The following APBA2 variants were observed in gnomAD, a reference collection of about 807,000 sequenced individuals.
APBA2 encodes amyloid beta precursor protein binding family A member 2, also known as amyloid-beta A4 precursor protein-binding family A member 2.
A neutral mutation model predicts 75.0 loss-of-function variants in APBA2; 30 were observed. The ratio of observed to expected loss-of-function variants is 0.40; its 90% confidence interval spans 0.30 to 0.54. The LOEUF (loss-of-function observed/expected upper bound fraction) is 0.54, where lower values mean the gene tolerates loss of function less well. Ranked by LOEUF, APBA2 falls within the 20% of genes least tolerant of loss-of-function variation. The pLI is 0.49. For synonymous variants in APBA2, 444 were observed against 409.6 expected, an observed-to-expected ratio of 1.08 and a Z score of -1.01; for missense variants, 801 against 1,016.1, an observed-to-expected ratio of 0.79 and a Z score of 2.88.
At chr15:28,909,204 A>G (rs2152646260) in intron 1 of APBA2, among the ~76,000 whole-genome samples, 1 of 151,760 alleles carries the variant, frequency 6.6e-6, no homozygotes, top group South Asian at 2.1e-4. Context: ...GTTAGCCAGG[A>G]TGGTCTCAAT....
At chr15:29,066,539 CAG>C (rs1400704973) in intron 4 of APBA2, among the ~76,000 whole-genome samples, 2 of 151,960 alleles carry the variant, frequency 1.3e-5, no homozygotes, top group Admixed American at 6.6e-5. Flanking sequence ...TGGCGGTGGT[CAG>C]GGGCTGGAGA....
intron 1 of APBA2, among the ~76,000 whole-genome samples, chr15:28,913,810 C>T (rs781466273): frequency 7.2e-5 from 11 of 152,224 alleles, no homozygotes; most frequent in Non-Finnish European, 1.0e-4. Context: ...TATTCGGTGA[C>T]TTTGAAGCCA....
intron 6 of APBA2, among the ~76,000 whole-genome samples, chr15:29,079,869 G>A (rs572789414): frequency 2.0e-5 from 3 of 152,188 alleles, no homozygotes; most frequent in African/African-American, 4.8e-5. Flanking sequence ...CTGAACCCTC[G>A]TTGGGGCCTG....
chr15:29,016,098 A>G (rs575036743), intron 3 of APBA2, among the ~76,000 whole-genome samples: 82 of 152,280 alleles, frequency 5.4e-4, no homozygotes, highest in African/African-American at 1.8e-3. Context: ...CTCTACTACA[A>G]ACACAAAAAT....
At chr15:29,061,928 G>A (rs868602744) in intron 4 of APBA2, among the ~76,000 whole-genome samples, 20 of 152,324 alleles carry the variant, frequency 1.3e-4, no homozygotes, top group Middle Eastern at 3.4e-3. Flanking sequence ...CTCCATCAGC[G>A]TGTGGTGGGG....
intron 3 of APBA2, among the ~76,000 whole-genome samples, chr15:29,012,022 G>A (rs1365190944): frequency 6.6e-6 from 1 of 152,118 alleles, no homozygotes; most frequent in Non-Finnish European, 1.5e-5. Flanking sequence ...GAGATGTTGC[G>A]AAGATAGTAG....
intron 9 of APBA2, among the ~76,000 whole-genome samples, chr15:29,099,821 C>T (rs2044028851): frequency 1.3e-5 from 2 of 152,208 alleles, no homozygotes; most frequent in Non-Finnish European, 2.9e-5. Flanking sequence ...GCTGTATAGC[C>T]TTAAACAAGT....
chr15:29,103,170 G>A (rs1198404403), intron 10 of APBA2, among the ~76,000 whole-genome samples: 1 of 152,216 alleles, frequency 6.6e-6, no homozygotes, highest in African/African-American at 2.4e-5. Context: ...GCCCGGTGGC[G>A]AAGGGTGGCA....
intron 2 of APBA2, chr15:28,970,137 C>T (rs1203790521): frequency 6.6e-6 from 1 of 152,106 alleles, no homozygotes; most frequent in Non-Finnish European, 1.5e-5. Context: ...ACCCCACAGC[C>T]CGAAACAACT....
intron 1 of APBA2, among the ~76,000 whole-genome samples, chr15:28,901,871 A>G (rs2032875234): frequency 7.3e-6 from 1 of 137,608 alleles, no homozygotes; most frequent in African/African-American, 2.7e-5. Context: ...ACAAACCAGC[A>G]TCGGGAAGCC....
Position 29,108,283 on chromosome 15 carries a change from A to G in APBA2, c.1931A>G (p.Gln644Arg), listed in dbSNP as rs781554747. Residue 644 changes from glutamine to arginine, a missense_variant, in exon 13 of 15, where the codon CAG (glutamine) becomes CGG (arginine). Gln to Arg is a conservative substitution (Grantham distance 43). Transcript: ENST00000683413. ...CGTGCTCTGCAGGGCCTGAAGAACC[A>G]GACACAGGTGAAGCTCAACATTGTC... Reference protein sequence around the residue: ...CQGIIKGLKNQTQVKLNIVSC... With the variant: ...CQGIIKGLKNRTQVKLNIVSC... 1 of 1,613,942 alleles carries G rather than the reference A, an allele frequency of 6.2e-7. No homozygotes were observed. Among genetic ancestry groups the G allele is most frequent in the East Asian group, 2.2e-5 (1 of 44,888 alleles).
intron 6 of APBA2, among the ~76,000 whole-genome samples, chr15:29,083,767 G>A (rs1411583526): frequency 6.6e-6 from 1 of 152,108 alleles, no homozygotes; most frequent in Admixed American, 6.6e-5. Flanking sequence ...CTGACCTCAG[G>A]TAACCCATCC....
At chr15:29,012,862 T>C (rs560735088) in intron 3 of APBA2, among the ~76,000 whole-genome samples, 1 of 152,322 alleles carries the variant, frequency 6.6e-6, no homozygotes, top group South Asian at 2.1e-4. Flanking sequence ...ACCACTACTT[T>C]CTTCCTGTGT....
At chr15:29,040,623 C>T (rs910357313) in intron 3 of APBA2, among the ~76,000 whole-genome samples, 10 of 152,178 alleles carry the variant, frequency 6.6e-5, no homozygotes, top group Admixed American at 2.0e-4. Flanking sequence ...CATCCCCTAA[C>T]GAAGGGGAAC....
chr15:28,920,573 G>A (rs570490080), intron 1 of APBA2, among the ~76,000 whole-genome samples: 2 of 152,340 alleles, frequency 1.3e-5, no homozygotes, highest in South Asian at 4.1e-4. Flanking sequence ...CAGTATCAGA[G>A]TGGGCCCGTG....
intron 3 of APBA2, among the ~76,000 whole-genome samples, chr15:29,015,968 C>G (rs1056888401): frequency 6.6e-6 from 1 of 152,152 alleles, no homozygotes; most frequent in African/African-American, 2.4e-5. Flanking sequence ...AACATATCTA[C>G]TTATGGTTGG....
At chr15:29,006,727 G>A (rs2039135625) in intron 3 of APBA2, among the ~76,000 whole-genome samples, 1 of 152,142 alleles carries the variant, frequency 6.6e-6, no homozygotes, top group Admixed American at 6.5e-5. Flanking sequence ...CAGTGTGGGG[G>A]AACCACCCCC....
intron 9 of APBA2, among the ~76,000 whole-genome samples, chr15:29,101,288 G>A (rs903557111): frequency 2.0e-5 from 3 of 151,550 alleles, no homozygotes; most frequent in East Asian, 3.9e-4. Context: ...GGAGTGCAGT[G>A]GCGCAATCTC....
intron 2 of APBA2, among the ~76,000 whole-genome samples, chr15:28,978,864 A>T (rs2037475982): frequency 6.6e-6 from 1 of 152,224 alleles, no homozygotes; most frequent in Non-Finnish European, 1.5e-5. Flanking sequence ...TTCCAAATGC[A>T]TTAAGTATTT....
Sources: allele counts gnomAD v4.1 joint callset (sites outside exome capture counted in the v4.1 genomes callset), GRCh38; gene constraint gnomAD v4.1.1; transcripts MANE v1.5; gene names NCBI Gene and HGNC (gene_info 2026-07-23, HGNC 2026-07-21).